NRXN1: variants seen among roughly 807,000 people sequenced by gnomAD.
NRXN1 encodes neurexin-1.
A neutral mutation model predicts 150.9 loss-of-function variants in NRXN1; 39 were observed. The ratio of observed to expected loss-of-function variants is 0.26; its 90% CI spans 0.20 to 0.34. The LOEUF is 0.34. Among genes scored for constraint, NRXN1 ranks in the 10% least tolerant of loss-of-function variants. The probability of loss-of-function intolerance (pLI) is 1.00; values close to 1 mark genes in which losing one functional copy is unlikely to be tolerated. For synonymous variants in NRXN1, 924 were observed against 757.0 expected (o/e 1.22, Z -3.62); for missense variants, 1,815 against 1,949.9 (o/e 0.93, Z 1.30).
chr2:50,681,888 G>A (rs1012855505), intron 5 of NRXN1, among the ~76,000 whole-genome samples: 4 of 152,058 alleles, frequency 2.6e-5, no homozygotes, highest in Non-Finnish European at 4.4e-5. Flanking sequence ...ATTGTGTTCT[G>A]ATATTTATTA....
In NRXN1 at chr2:49,997,154, C is replaced by T. The variant is rs185787462; in HGVS notation, c.4129-53363G>A. Among the ~76,000 whole-genome samples the T allele has an allele frequency of 2.0e-4, 31 of 152,102 alleles. No homozygotes were observed. In the East Asian group the frequency reaches 5.2e-3, roughly 26 times the overall value. On this transcript the variant is annotated intron_variant, in intron 21 of 22. Transcript: ENST00000401669. ...CGTTTGAAATACCAATGGGTCAACA[C>T]GGTGGGTGGACAGTTGGAGATGGAA...
chr2:50,991,923 T>C (rs1178304385), intron 2 of NRXN1, among the ~76,000 whole-genome samples: 1 of 152,046 alleles, frequency 6.6e-6, no homozygotes, highest in African/African-American at 2.4e-5. Flanking sequence ...CCGCCATTAT[T>C]TTCTAAGCAT....
intron 19 of NRXN1, among the ~76,000 whole-genome samples, chr2:50,060,369 C>A (rs920002739): frequency 6.6e-6 from 1 of 152,114 alleles, no homozygotes; most frequent in African/African-American, 2.4e-5. Context: ...AATGCCTGCA[C>A]CCCCACGGAA....
At chr2:50,513,266 C>T (rs1218794169) in intron 12 of NRXN1, among the ~76,000 whole-genome samples, 4 of 152,048 alleles carry the variant, frequency 2.6e-5, no homozygotes, top group Admixed American at 2.6e-4. Flanking sequence ...CTGCAAACCA[C>T]CAAAGGATCT....
At chr2:50,860,781 G>C (rs1676015179) in intron 5 of NRXN1, among the ~76,000 whole-genome samples, 1 of 152,072 alleles carries the variant, frequency 6.6e-6, no homozygotes, top group Non-Finnish European at 1.5e-5. Flanking sequence ...AGAGAGGATA[G>C]GCATGGTCCC....
In NRXN1 at chr2:50,232,051, C is replaced by T. The variant is rs186878046; in HGVS notation, c.3546+4738G>A. ...TATTTGTTAACTGTCCACACAAATA[C>T]TATACAAGTAAGAAAGTTAAAACTG... On this transcript the variant is annotated intron_variant, in intron 18 of 22. Coordinates refer to ENST00000401669, the MANE Select transcript of NRXN1 (RefSeq NM_001330078.2). Among the ~76,000 whole-genome samples, 838 of 152,090 alleles carry T rather than the reference C, an allele frequency of 5.5e-3. 4 individuals are homozygous for T. Among genetic ancestry groups the T allele is most frequent in the Non-Finnish European group, 8.7e-3 (589 of 67,982 alleles).
intron 5 of NRXN1, among the ~76,000 whole-genome samples, chr2:50,735,547 T>A (rs1698632255): frequency 6.6e-6 from 1 of 152,112 alleles, no homozygotes; most frequent in Admixed American, 6.6e-5. Context: ...ATATACCATA[T>A]CCCATATCCT....
intron 8 of NRXN1, among the ~76,000 whole-genome samples, chr2:50,573,065 T>C (rs1020799989): frequency 2.6e-5 from 4 of 152,196 alleles, no homozygotes; most frequent in Non-Finnish European, 5.9e-5. Context: ...TGCATTATTA[T>C]ATTCACATAT....
chr2:50,216,670 G>A (rs1476564992), intron 18 of NRXN1, among the ~76,000 whole-genome samples: 5 of 151,886 alleles, frequency 3.3e-5, no homozygotes, highest in Non-Finnish European at 5.9e-5. Context: ...GCTTTATTGA[G>A]CTTAGAAAGA....
chr2:50,840,340 T>C (rs1182855945), intron 5 of NRXN1, among the ~76,000 whole-genome samples: 2 of 152,078 alleles, frequency 1.3e-5, no homozygotes, highest in African/African-American at 4.8e-5. Context: ...TATCCTTAGG[T>C]GAAAAACTCA....
chr2:50,423,866 A>C (rs1176305800), intron 17 of NRXN1, among the ~76,000 whole-genome samples: 1 of 152,170 alleles, frequency 6.6e-6, no homozygotes, highest in Non-Finnish European at 1.5e-5. Context: ...AGAGGGAGCC[A>C]GCCAGACCAG....
At chr2:50,497,003 AC>A (rs1396994630) in intron 14 of NRXN1, among the ~76,000 whole-genome samples, 1 of 152,172 alleles carries the variant, frequency 6.6e-6, no homozygotes, top group Non-Finnish European at 1.5e-5. Flanking sequence ...TATCCTACAA[AC>A]CTGTATCAAT....
At chr2:50,693,420 GT>G (rs1479352547) in intron 5 of NRXN1, among the ~76,000 whole-genome samples, 1 of 152,124 alleles carries the variant, frequency 6.6e-6, no homozygotes, top group Non-Finnish European at 1.5e-5. Flanking sequence ...CTTCTTGGAG[GT>G]GTTTTTTTAG....
chr2:50,178,634 C>CT (rs910271261), intron 18 of NRXN1, among the ~76,000 whole-genome samples: 2 of 151,718 alleles, frequency 1.3e-5, no homozygotes, highest in South Asian at 2.1e-4. Flanking sequence ...ACAGTAAGTA[C>CT]TTTTTTTTGG....
intron 5 of NRXN1, among the ~76,000 whole-genome samples, chr2:50,756,194 G>C (rs935778420): frequency 1.3e-5 from 2 of 151,598 alleles, no homozygotes; most frequent in African/African-American, 2.4e-5. Context: ...TTAGCAATGA[G>C]AGAATGGAGG....
chr2:50,643,303 T>A (rs1046123937), intron 5 of NRXN1, among the ~76,000 whole-genome samples: 31 of 152,054 alleles, frequency 2.0e-4, no homozygotes, highest in Non-Finnish European at 3.8e-4. Flanking sequence ...CTCAATAAAT[T>A]GTAAAAAAAA....
intron 5 of NRXN1, among the ~76,000 whole-genome samples, chr2:50,715,657 C>G (rs1695770015): frequency 6.6e-6 from 1 of 152,138 alleles, no homozygotes; most frequent in African/African-American, 2.4e-5. Flanking sequence ...TCATCGTCCC[C>G]CATCTTGTGC....
intron 8 of NRXN1, among the ~76,000 whole-genome samples, chr2:50,555,786 A>C (rs949206372): frequency 6.6e-6 from 1 of 152,166 alleles, no homozygotes; most frequent in African/African-American, 2.4e-5. Flanking sequence ...ATTTTGCCCT[A>C]TTTCTCTAGA....
At chr2:50,111,048 G>A (rs965616231) in intron 18 of NRXN1, among the ~76,000 whole-genome samples, 19 of 151,994 alleles carry the variant, frequency 1.3e-4, no homozygotes, top group Non-Finnish European at 2.2e-4. Flanking sequence ...GGTTCATTTT[G>A]GAGACGATAA....
Sources: allele counts gnomAD v4.1 joint callset (sites outside exome capture counted in the v4.1 genomes callset), GRCh38; gene constraint gnomAD v4.1.1; transcripts MANE v1.5; gene names NCBI Gene and HGNC (gene_info 2026-07-23, HGNC 2026-07-21).